FSHR: variants seen among roughly 807,000 people sequenced by gnomAD.
The protein encoded by FSHR is follicle-stimulating hormone receptor.
FSHR carries 46 observed loss-of-function variants against 52.1 expected under a neutral mutation model. The observed-to-expected ratio is 0.88, with a 90% confidence interval of 0.70 to 1.13. The LOEUF (loss-of-function observed/expected upper bound fraction) is 1.13, where lower values mean the gene tolerates loss of function less well. Ranked by LOEUF, FSHR falls within the 50% of genes most tolerant of loss-of-function variation. The pLI is 0.00. For synonymous variants in FSHR, 399 were observed against 309.6 expected (o/e 1.29, Z -3.03); for missense variants, 964 against 834.6 (o/e 1.16, Z -1.91).
chr2:49,087,791 T>C (rs975857043), intron 1 of FSHR, among the ~76,000 whole-genome samples: 2 of 152,200 alleles, frequency 1.3e-5, no homozygotes, highest in Non-Finnish European at 2.9e-5. Flanking sequence ...AAATTATTTA[T>C]TGAACATCTA....
At chr2:49,103,075 T>C (rs1008120657) in intron 1 of FSHR, among the ~76,000 whole-genome samples, 2 of 152,164 alleles carry the variant, frequency 1.3e-5, no homozygotes, top group Non-Finnish European at 2.9e-5. Context: ...TTATGTATTG[T>C]ATGTATATCT....
intron 2 of FSHR, among the ~76,000 whole-genome samples, chr2:49,023,597 C>A (rs927293725): frequency 1.3e-5 from 2 of 152,130 alleles, no homozygotes; most frequent in African/African-American, 2.4e-5. Context: ...GGTCTGCTGA[C>A]CAGATAGTAT....
At chr2:49,119,883 T>C (rs1671746869) in intron 1 of FSHR, among the ~76,000 whole-genome samples, 1 of 152,228 alleles carries the variant, frequency 6.6e-6, no homozygotes, top group Admixed American at 6.5e-5. Flanking sequence ...TAATAGTCTC[T>C]ACATTGTAGG....
At chr2:49,149,617 A>C (rs1442856769) in intron 1 of FSHR, among the ~76,000 whole-genome samples, 1 of 152,058 alleles carries the variant, frequency 6.6e-6, no homozygotes, top group African/African-American at 2.4e-5. Context: ...TTGGTATAGC[A>C]AAGGCTACCC....
intron 1 of FSHR, among the ~76,000 whole-genome samples, chr2:49,128,470 C>G (rs909110452): frequency 2.7e-5 from 4 of 149,756 alleles, no homozygotes; most frequent in African/African-American, 9.9e-5. Context: ...GGAACCTAAA[C>G]CTTACAGTGA....
At chr2:49,027,662 C>A (rs182419725) in intron 2 of FSHR, among the ~76,000 whole-genome samples, 138 of 152,166 alleles carry the variant, frequency 9.1e-4, no homozygotes, top group Admixed American at 8.2e-3. Context: ...CCAACCTGGC[C>A]AACATGGCAA....
chr2:49,107,123 G>C (rs1314767068), intron 1 of FSHR, among the ~76,000 whole-genome samples: 2 of 152,118 alleles, frequency 1.3e-5, no homozygotes, highest in Non-Finnish European at 2.9e-5. Flanking sequence ...AACAATTCCT[G>C]TATGATCTGG....
At chr2:49,019,881 AC>A (rs1392363578) in intron 3 of FSHR, among the ~76,000 whole-genome samples, 1 of 152,226 alleles carries the variant, frequency 6.6e-6, no homozygotes, top group Non-Finnish European at 1.5e-5. Flanking sequence ...CAGGCAGGCA[AC>A]AGGATGAGAC....
chr2:49,140,304 C>A (rs374252782), intron 1 of FSHR, among the ~76,000 whole-genome samples: 51 of 151,648 alleles, frequency 3.4e-4, no homozygotes, highest in African/African-American at 1.2e-3. Context: ...GTGGCATTGC[C>A]CCCGCACCAC....
chr2:49,146,899 G>C (rs1484894969), intron 1 of FSHR, among the ~76,000 whole-genome samples: 1 of 151,986 alleles, frequency 6.6e-6, no homozygotes, highest in Non-Finnish European at 1.5e-5. Context: ...AATGGGCTCA[G>C]CTGTGCATTC....
chr2:49,013,021 T>C (rs1434280580), intron 4 of FSHR, among the ~76,000 whole-genome samples: 1 of 151,984 alleles, frequency 6.6e-6, no homozygotes, highest in Non-Finnish European at 1.5e-5. Context: ...ATTATTGCCA[T>C]TATATAAGAT....
rs1667360665 is a variant in FSHR, at chr2:49,013,489, T to TATATAA, written c.374+3999_374+4000insTTATAT. On this transcript the variant is annotated intron_variant, in intron 4 of 9. Coordinates refer to ENST00000406846, the MANE Select transcript of FSHR (RefSeq NM_000145.4). ...ATATATATATATATATAAATAAATA[T>TATATAA]ATATATATATAAATATATATATATA... Among the ~76,000 whole-genome samples the TATATAA allele has an allele frequency of 2.5e-4, 18 of 73,042 alleles. 1 individual carries two copies. The highest frequency in any genetic ancestry group is 6.0e-4 in the African/African-American group (17 of 28,170). 47.9% of individuals were successfully genotyped at this position (73,042 alleles called of 152,430 possible).
chr2:49,128,956 T>C (rs767482588), intron 1 of FSHR, among the ~76,000 whole-genome samples: 2 of 152,050 alleles, frequency 1.3e-5, no homozygotes, highest in Non-Finnish European at 2.9e-5. Flanking sequence ...TTAACATCAC[T>C]CTATTATTTT....
At chr2:48,982,874 C>G (rs1675314797) in intron 8 of FSHR, 38 bp downstream of exon 8, 1 of 1,542,098 alleles carries the variant, frequency 6.5e-7, no homozygotes, top group Non-Finnish European at 9.0e-7. Context: ...CTTACACAAA[C>G]TGAGCTCTTA....
rs374788399 is a variant in FSHR at position 48,968,796 on chromosome 2, T to A, written c.756A>T (p.Leu252Phe). Residue 252 changes from leucine to phenylalanine, a missense_variant, in exon 9 of 10, where the codon TTA (leucine) becomes TTT (phenylalanine). Leu to Phe is a conservative substitution (Grantham distance 22). Transcript: ENST00000406846. ...KKLRARSTYN[L>F]KKLPTLEKLV... Reference sequence around the variant, plus strand: ...GCTTTTCCAGAGTAGGCAGCTTTTTTAAGTTGTAAGTCGACCTGGCCCTCA... The same window carrying A: ...GCTTTTCCAGAGTAGGCAGCTTTTTAAAGTTGTAAGTCGACCTGGCCCTCA... The A allele has an allele frequency of 1.9e-6, 3 of 1,614,040 alleles. No homozygotes were observed. Among genetic ancestry groups the A allele is most frequent in the African/African-American group, 2.7e-5 (2 of 74,938 alleles).
In FSHR at chr2:48,984,372, T is replaced by A. The variant is rs74365650; in HGVS notation, c.525-1206A>T. Reference sequence around the variant, plus strand: ...TGGACTCCTGACTGTTGCAGGATAGTGGGAGTTGCTGAGGTAGCTGTGGCA... The same window carrying A: ...TGGACTCCTGACTGTTGCAGGATAGAGGGAGTTGCTGAGGTAGCTGTGGCA... On this transcript the variant is annotated intron_variant, in intron 6 of 9. Coordinates refer to ENST00000406846, the MANE Select transcript of FSHR (RefSeq NM_000145.4). Among the ~76,000 whole-genome samples, 31 of 152,292 alleles carry A rather than the reference T, an allele frequency of 2.0e-4. No homozygotes were observed. The East Asian group carries it at 6.0e-3, about 29-fold the overall frequency.
At chr2:49,065,180 G>T (rs761304751) in intron 2 of FSHR, among the ~76,000 whole-genome samples, 14 of 152,066 alleles carry the variant, frequency 9.2e-5, no homozygotes, top group South Asian at 2.1e-4. Flanking sequence ...GGAAATAAAG[G>T]GTTTTGATTT....
chr2:48,985,761 C>G (rs941796931), intron 6 of FSHR, among the ~76,000 whole-genome samples: 2 of 110,688 alleles, frequency 1.8e-5, no homozygotes, highest in African/African-American at 7.0e-5. Context: ...GGCCGGACTG[C>G]GGACTGCAGT....
At chr2:49,052,874 G>C (rs1668921752) in intron 2 of FSHR, among the ~76,000 whole-genome samples, 1 of 152,214 alleles carries the variant, frequency 6.6e-6, no homozygotes, top group South Asian at 2.1e-4. Flanking sequence ...TAGCACTGTT[G>C]CAGTTACAGT....
Sources: allele counts gnomAD v4.1 joint callset (sites outside exome capture counted in the v4.1 genomes callset), GRCh38; gene constraint gnomAD v4.1.1; transcripts MANE v1.5; gene names NCBI Gene and HGNC (gene_info 2026-07-23, HGNC 2026-07-21).